ABLIM1: variants seen among roughly 807,000 people sequenced by gnomAD.
ABLIM1 encodes actin-binding LIM protein 1.
In ABLIM1, 40 loss-of-function variants were observed where a neutral mutation model predicts 107.0. The observed-to-expected ratio is 0.37, with a 90% CI of 0.29 to 0.49. The LOEUF is 0.49. Among genes scored for constraint, ABLIM1 ranks in the 20% least tolerant of loss-of-function variants. The pLI, the probability that ABLIM1 is intolerant of heterozygous loss-of-function variation, is 0.97. For missense variants in ABLIM1, 857 were observed against 1,008.5 expected, an observed-to-expected ratio of 0.85 and a Z score of 2.04; for synonymous variants, 357 against 357.3, an observed-to-expected ratio of 1.00 and a Z score of 0.01.
chr10:114,455,454 A>T (rs1453468992), intron 12 of ABLIM1, among the ~76,000 whole-genome samples: 1 of 152,262 alleles, frequency 6.6e-6, no homozygotes, highest in East Asian at 1.9e-4. Flanking sequence ...CCTAAAGAGA[A>T]GTAACTAGTT....
rs10603115 is a variant in ABLIM1 at position 114,490,734 on chromosome 10, C to CAT, written c.982+1055_982+1056dup. ...AATTTCAGAGAACATAAAAACTGAT[C>CAT]ATATATATATATATATAATCAGTTT... is the stretch of plus-strand genomic sequence containing the variant. On this transcript the variant is annotated intron_variant, in intron 7 of 22. Transcript: ENST00000533213. Among the ~76,000 whole-genome samples, 432 of 148,214 alleles carry CAT rather than the reference C, an allele frequency of 2.9e-3. 1 individual carries two copies. The highest frequency in any genetic ancestry group is 4.5e-3 in the African/African-American group (181 of 40,492).
intron 6 of ABLIM1, among the ~76,000 whole-genome samples, chr10:114,539,268 G>A (rs565580282): frequency 2.6e-4 from 40 of 152,134 alleles, no homozygotes; most frequent in Non-Finnish European, 4.4e-4. Context: ...TGAGACAGGC[G>A]AATCACTTGA....
chr10:114,604,727 A>G (rs1298076664), intron 1 of ABLIM1, among the ~76,000 whole-genome samples: 1 of 152,254 alleles, frequency 6.6e-6, no homozygotes, highest in Non-Finnish European at 1.5e-5. Flanking sequence ...CTTCAGCAAC[A>G]ATATGAGAAC....
At chr10:114,730,800 C>A (rs183237186) in intron 1 of ABLIM1, among the ~76,000 whole-genome samples, 12 of 152,170 alleles carry the variant, frequency 7.9e-5, no homozygotes, top group African/African-American at 2.9e-4. Flanking sequence ...ACCTTGTGTC[C>A]ATTTGCAGTC....
chr10:114,684,820 A>G, exon 1 of ABLIM1: 1 of 750,508 alleles, frequency 1.3e-6, no homozygotes, highest in Non-Finnish European at 1.6e-6. Context: ...AGGATCGATT[A>G]TTCCCCAGCC....
At chr10:114,564,328 T>G (rs7085345) in intron 4 of ABLIM1, among the ~76,000 whole-genome samples, 55,604 of 151,806 alleles carry the variant, frequency 0.37, 13,219 homozygotes, top group African/African-American at 0.68. Flanking sequence ...GCAGTGGCAT[T>G]ATCTCGGCTC....
At chr10:114,445,850 AG>A (rs1326706622) in intron 15 of ABLIM1, among the ~76,000 whole-genome samples, 1 of 152,170 alleles carries the variant, frequency 6.6e-6, no homozygotes, top group Non-Finnish European at 1.5e-5. Flanking sequence ...GGCTCAGTGC[AG>A]CCTCGACCTC....
chr10:114,625,756 G>C (rs1267176802), intron 1 of ABLIM1, among the ~76,000 whole-genome samples: 1 of 152,174 alleles, frequency 6.6e-6, no homozygotes, highest in Admixed American at 6.5e-5. Flanking sequence ...GTGGACATTA[G>C]CACTGGTTTT....
chr10:114,447,944 G>A lies in ABLIM1; in HGVS notation c.1671C>T (p.Asp557=), dbSNP rs1244417991. The part of the protein sequence containing the change: ...FSKFPAAQAP[D]PSETPKIETD... ...TCTCAATCTTTGGTGTCTCGCTGGG[G>A]TCTGGTGCCTGGGCTGCTGGGAACT... Residue 557 remains aspartate (D), a synonymous_variant, in exon 15 of 23, where the codon GAC becomes GAT. Coordinates refer to ENST00000533213, the MANE Select transcript of ABLIM1 (RefSeq NM_002313.7). 3 of 1,614,158 alleles carry A rather than the reference G, an allele frequency of 1.9e-6. No individual in the cohort carries two copies. In the South Asian group the frequency reaches 3.3e-5, roughly 18 times the overall value.
chr10:114,554,917 T>C (rs747588228), intron 4 of ABLIM1, among the ~76,000 whole-genome samples: 28 of 152,128 alleles, frequency 1.8e-4, no homozygotes, highest in Non-Finnish European at 3.1e-4. Flanking sequence ...CTGGGCAAAC[T>C]AGGCAACCAC....
At chr10:114,479,136 C>T (rs560703034) in intron 8 of ABLIM1, among the ~76,000 whole-genome samples, 51 of 152,204 alleles carry the variant, frequency 3.4e-4, no homozygotes, top group African/African-American at 7.0e-4. Context: ...ATGTACAGAA[C>T]GCAGCAAGGT....
Position 114,690,491 on chromosome 10 carries a change from G to A in ABLIM1, c.-213+77570C>T, listed in dbSNP as rs185646714. The A allele has an allele frequency of 3.2e-3, 4,921 of 1,555,626 alleles. 19 individuals carry two copies. Among genetic ancestry groups the A allele is most frequent in the South Asian group, 7.5e-3 (676 of 89,904 alleles). On this transcript the variant is annotated intron_variant, in intron 1 of 15. Coordinates refer to the ABLIM1 transcript ENST00000651092. The stretch of plus-strand genomic sequence containing the variant: ...CTGGAATAATTCTGTGAAAGCGGGA[G>A]CCCTTACAACCAAATCCTTTCTCTC...
At chr10:114,799,075 C>T in the ABLIM1 span, among the ~76,000 whole-genome samples, 16 of 152,216 alleles carry the variant, frequency 1.1e-4, no homozygotes, top group South Asian at 2.1e-4. Flanking sequence ...TGGGATTACA[C>T]GCATGAGCCA....
At chr10:114,684,901 C>T (rs2080892303) in exon 1 of ABLIM1, 3 of 229,026 alleles carry the variant, frequency 1.3e-5, no homozygotes, top group Non-Finnish European at 2.2e-5. Flanking sequence ...TTCTTCACTA[C>T]TAGAATTTTT....
chr10:114,660,752 TATA>T (rs2079759032), upstream of ABLIM1, among the ~76,000 whole-genome samples: 1 of 152,192 alleles, frequency 6.6e-6, no homozygotes, highest in African/African-American at 2.4e-5. Context: ...TTTTGTGAAA[TATA>T]GATGTGTTTA....
chr10:114,653,901 G>A (rs920030656), intron 1 of ABLIM1, among the ~76,000 whole-genome samples: 1 of 152,186 alleles, frequency 6.6e-6, no homozygotes, highest in African/African-American at 2.4e-5. Context: ...AACATCCAAG[G>A]GTTGTTTTGA....
At chr10:114,765,748 T>C (rs2082877323) in intron 1 of ABLIM1, among the ~76,000 whole-genome samples, 1 of 152,118 alleles carries the variant, frequency 6.6e-6, no homozygotes, top group Non-Finnish European at 1.5e-5. Context: ...ATACGTAAAA[T>C]CCTCAGTCTT....
intron 1 of ABLIM1, chr10:114,613,620 T>A: frequency 7.9e-7 from 1 of 1,258,960 alleles, no homozygotes; most frequent in Non-Finnish European, 1.1e-6. Context: ...GCACTCTTGC[T>A]CTTGCACTGT....
chr10:114,527,730 A>C (rs2064991650), intron 6 of ABLIM1, among the ~76,000 whole-genome samples: 1 of 148,724 alleles, frequency 6.7e-6, no homozygotes, highest in South Asian at 2.1e-4. Context: ...ATCATAGCGC[A>C]ATCAGCTCAC....
Sources: gnomAD v4.1 joint callset for allele counts (sites outside exome capture counted in the v4.1 genomes callset) on GRCh38, gnomAD v4.1.1 for gene constraint, MANE v1.5 for transcripts, NCBI Gene and HGNC (gene_info 2026-07-23, HGNC 2026-07-21) for gene names.